Variants in CYP19A1 observed in about 807,000 individuals in gnomAD.
CYP19A1 encodes the protein aromatase.
A neutral mutation model predicts 44.4 loss-of-function variants in CYP19A1; 32 were observed. The ratio of observed to expected loss-of-function variants is 0.72; its 90% CI spans 0.54 to 0.97. CYP19A1 has a LOEUF of 0.97. Ranked by LOEUF, CYP19A1 falls within the 50% of genes least tolerant of loss-of-function variation. CYP19A1 has a pLI of 0.00. For synonymous variants in CYP19A1, 212 were observed against 215.6 expected, an observed-to-expected ratio of 0.98 and a Z score of 0.14; for missense variants, 598 against 637.8, an observed-to-expected ratio of 0.94 and a Z score of 0.67.
At chr15:51,269,602 C>A (rs921696144) in intron 1 of CYP19A1, among the ~76,000 whole-genome samples, 3 of 152,060 alleles carry the variant, frequency 2.0e-5, no homozygotes, top group Non-Finnish European at 4.4e-5. Flanking sequence ...ACAGTTCCAC[C>A]CTATGGATTC....
intron 1 of CYP19A1, chr15:51,315,855 T>G (rs1031327427): frequency 2.6e-5 from 4 of 152,260 alleles, no homozygotes; most frequent in African/African-American, 9.6e-5. Context: ...AAACTTGAAC[T>G]ACGTGCTGGC....
chr15:51,317,037 G>A (rs537333767), intron 1 of CYP19A1, among the ~76,000 whole-genome samples: 11 of 152,176 alleles, frequency 7.2e-5, no homozygotes, highest in South Asian at 6.2e-4. Context: ...CCAACACAAG[G>A]AGCCACCTTC....
At chr15:51,255,032 CCTCAAA>C (rs1480119285) in intron 1 of CYP19A1, among the ~76,000 whole-genome samples, 1 of 152,084 alleles carries the variant, frequency 6.6e-6, no homozygotes. Context: ...CCCTCCAGAA[CCTCAAA>C]CAGGGTCATG....
intron 4 of CYP19A1, among the ~76,000 whole-genome samples, chr15:51,223,593 T>TCTCTCACACACACA (rs1356666512): frequency 0.039 from 3,548 of 90,062 alleles, 170 homozygotes; most frequent in Middle Eastern, 0.073. Flanking sequence ...TCTCTCTCTC[T>TCTCTCACACACACA]CACACACACA....
intron 1 of CYP19A1, among the ~76,000 whole-genome samples, chr15:51,261,071 C>T (rs752017886): frequency 9.2e-5 from 14 of 152,202 alleles, no homozygotes; most frequent in Non-Finnish European, 5.9e-5. Flanking sequence ...AGGTGCCCAT[C>T]GCCACTCCCG....
chr15:51,226,625 G>T (rs1667747938), intron 4 of CYP19A1, among the ~76,000 whole-genome samples: 1 of 152,216 alleles, frequency 6.6e-6, no homozygotes, highest in Non-Finnish European at 1.5e-5. Flanking sequence ...CTGCTGGAGG[G>T]AAGGCTGTGA....
At chr15:51,253,796 GAGAAAACTA>G (rs1008980192) in intron 1 of CYP19A1, among the ~76,000 whole-genome samples, 2 of 152,200 alleles carry the variant, frequency 1.3e-5, no homozygotes, top group Non-Finnish European at 2.9e-5. Context: ...ACTATTGGGA[GAGAAAACTA>G]AGAAGCTTGG....
chr15:51,211,168 A>G (rs140181287), intron 9 of CYP19A1, 112 bp from the exon 10 acceptor site: 45 of 745,350 alleles, frequency 6.0e-5, no homozygotes, highest in African/African-American at 4.3e-4. Flanking sequence ...TGGGGTTATC[A>G]GCTACAATGC....
chr15:51,250,580 A>G (rs1002311166), intron 1 of CYP19A1, among the ~76,000 whole-genome samples: 1 of 152,186 alleles, frequency 6.6e-6, no homozygotes, highest in African/African-American at 2.4e-5. Flanking sequence ...GTGAGAAATG[A>G]CTGTTTTAAA....
chr15:51,305,370 C>A (rs968232845), intron 1 of CYP19A1, among the ~76,000 whole-genome samples: 1 of 152,074 alleles, frequency 6.6e-6, no homozygotes, highest in African/African-American at 2.4e-5. Context: ...GTGGTCATAA[C>A]GTTATGATTG....
chr15:51,309,997 T>C (rs1431465925), intron 1 of CYP19A1, among the ~76,000 whole-genome samples: 1 of 152,190 alleles, frequency 6.6e-6, no homozygotes, highest in Non-Finnish European at 1.5e-5. Context: ...GGTAGAAAAC[T>C]TGGAGCCATA....
intron 2 of CYP19A1, among the ~76,000 whole-genome samples, chr15:51,237,674 G>A (rs879641599): frequency 1.3e-5 from 2 of 152,200 alleles, no homozygotes; most frequent in Non-Finnish European, 2.9e-5. Flanking sequence ...CTCTAGATTG[G>A]AGTTTGAGTC....
chr15:51,301,855 A>T (rs116468523), intron 1 of CYP19A1, among the ~76,000 whole-genome samples: 1 of 152,236 alleles, frequency 6.6e-6, no homozygotes, highest in South Asian at 2.1e-4. Context: ...AACAAAACTT[A>T]TTCTTGAAAT....
chr15:51,235,737 C>G (rs2033352586), intron 3 of CYP19A1, among the ~76,000 whole-genome samples: 1 of 152,094 alleles, frequency 6.6e-6, no homozygotes, highest in African/African-American at 2.4e-5. Flanking sequence ...TAATCTTGAC[C>G]TGAAAAAATT....
At chr15:51,257,921 T>A (rs546238983) in intron 1 of CYP19A1, among the ~76,000 whole-genome samples, 1 of 152,404 alleles carries the variant, frequency 6.6e-6, no homozygotes, top group South Asian at 2.1e-4. Context: ...GCATGTATTA[T>A]CACAATAATA....
intron 1 of CYP19A1, among the ~76,000 whole-genome samples, chr15:51,288,158 G>A (rs2035752061): frequency 6.6e-6 from 1 of 152,110 alleles, no homozygotes; most frequent in Non-Finnish European, 1.5e-5. Flanking sequence ...GTTGTGCAGT[G>A]ATTTTTGAAT....
In CYP19A1 at chr15:51,256,005, GC is replaced by G. The variant is rs146378715; in HGVS notation, c.-38-13056del. ...AGTATCATTGCCCAATTTTATGGGA[GC>G]CCTAGCTTTGCTCACATAGAACCAG... On this transcript the variant is annotated intron_variant, in intron 1 of 9. Transcript: ENST00000396402. Among the ~76,000 whole-genome samples, 607 of 152,310 alleles carry G rather than the reference GC, an allele frequency of 4.0e-3. 4 individuals are homozygous for G. The highest frequency in any genetic ancestry group is 0.014 in the African/African-American group (586 of 41,570).
chr15:51,287,982 C>G (rs890454212), intron 1 of CYP19A1, among the ~76,000 whole-genome samples: 1 of 152,148 alleles, frequency 6.6e-6, no homozygotes, highest in Non-Finnish European at 1.5e-5. Context: ...CTGCTTTTGT[C>G]TAATACTTTC....
chr15:51,288,696 C>T (rs541192122), intron 1 of CYP19A1, among the ~76,000 whole-genome samples: 2 of 152,316 alleles, frequency 1.3e-5, no homozygotes, highest in South Asian at 2.1e-4. Context: ...CAAGCCTGCT[C>T]CTTGTTAAAC....
Sources: gnomAD v4.1 joint callset for allele counts (sites outside exome capture counted in the v4.1 genomes callset) on GRCh38, gnomAD v4.1.1 for gene constraint, MANE v1.5 for transcripts, NCBI Gene and HGNC (gene_info 2026-07-23, HGNC 2026-07-21) for gene names.